Variants in ZMYM4 observed in about 807,000 individuals in gnomAD.
The protein encoded by ZMYM4 is zinc finger MYM-type containing 4, also known as zinc finger MYM-type protein 4.
ZMYM4 carries 31 observed loss-of-function variants against 183.2 expected under a neutral mutation model. That is an observed-to-expected ratio of 0.17 (90% confidence interval 0.13 to 0.23). The LOEUF (loss-of-function observed/expected upper bound fraction) is 0.23. Ranked by LOEUF, ZMYM4 falls within the 10% of genes least tolerant of loss-of-function variation. The pLI, the probability that ZMYM4 is intolerant of heterozygous loss-of-function variation, is 1.00. For synonymous variants in ZMYM4, 592 were observed against 631.2 expected, an observed-to-expected ratio of 0.94 and a Z score of 0.93; for missense variants, 1,273 against 1,840.3, an observed-to-expected ratio of 0.69 and a Z score of 5.64.
intron 1 of ZMYM4, among the ~76,000 whole-genome samples, chr1:35,307,802 G>A (rs1485599511): frequency 4.0e-5 from 6 of 151,256 alleles, no homozygotes; most frequent in Non-Finnish European, 5.9e-5. Flanking sequence ...CCAAAGTGCT[G>A]GGATTACAGG....
At chr1:35,325,997 G>A (rs1039661687) in intron 2 of ZMYM4, among the ~76,000 whole-genome samples, 4 of 151,958 alleles carry the variant, frequency 2.6e-5, no homozygotes, top group African/African-American at 7.3e-5. Flanking sequence ...ATTCAACTGC[G>A]TAGACATCTT....
At chr1:35,408,423 T>C (rs1639721120) in intron 26 of ZMYM4, among the ~76,000 whole-genome samples, 2 of 152,224 alleles carry the variant, frequency 1.3e-5, no homozygotes, top group South Asian at 4.1e-4. Flanking sequence ...TAGGAAATTC[T>C]TAGAGGCATA....
chr1:35,367,063 A>G (rs1644100504), intron 5 of ZMYM4, among the ~76,000 whole-genome samples: 1 of 152,086 alleles, frequency 6.6e-6, no homozygotes, highest in South Asian at 2.1e-4. Flanking sequence ...ATTTGATGCA[A>G]TTCTGATGAA....
At chr1:35,333,485 G>A (rs965078825) in intron 2 of ZMYM4, among the ~76,000 whole-genome samples, 2 of 152,034 alleles carry the variant, frequency 1.3e-5, no homozygotes, top group Non-Finnish European at 2.9e-5. Context: ...TCAAGCTCCC[G>A]GTCTCAAGTT....
Position 35,398,848 on chromosome 1 carries a change from T to TA in ZMYM4, c.3254-15dup, listed in dbSNP as rs774709761. 1.9e-6 allele frequency: 3 copies of TA among 1,610,458 alleles called. No homozygotes were observed. Among genetic ancestry groups the TA allele is most frequent in the East Asian group, 4.5e-5 (2 of 44,796 alleles). On this transcript the variant is annotated splice_polypyrimidine_tract_variant and intron_variant, in intron 21 of 29. Coordinates refer to ENST00000314607, the MANE Select transcript of ZMYM4 (RefSeq NM_005095.3). ...TATTTTATTTTGAGGGCTTAATTGT[T>TA]ATCTATATATTTCAGACCAAGGAAG... is the stretch of plus-strand genomic sequence containing the variant.
rs1219424781 is a variant in ZMYM4 at position 35,268,783 on chromosome 1, C to G, written c.-264C>G. On this transcript the variant is annotated 5_prime_UTR_variant, in exon 1 of 30. Coordinates refer to ENST00000314607, the MANE Select transcript of ZMYM4 (RefSeq NM_005095.3). Reference sequence around the variant, plus strand: ...GAAAATAATCCTACTCACGGGGCCCCTTGGAGGCCATTAACCCCCCGAGTC... The same window carrying G: ...GAAAATAATCCTACTCACGGGGCCCGTTGGAGGCCATTAACCCCCCGAGTC... Among the ~76,000 whole-genome samples the G allele has an allele frequency of 6.6e-6, 1 of 152,232 alleles. No individual in the cohort carries two copies. Among genetic ancestry groups the G allele is most frequent in the Admixed American group, 6.5e-5 (1 of 15,288 alleles).
intron 3 of ZMYM4, 37 bp from the exon 4 acceptor site, chr1:35,361,157 T>C (rs1205715142): frequency 2.6e-6 from 4 of 1,531,592 alleles, no homozygotes; most frequent in Non-Finnish European, 3.5e-6. Context: ...GTTATTCATA[T>C]ACATGTGTTT....
At chr1:35,350,479 G>T (rs892534168) in intron 2 of ZMYM4, among the ~76,000 whole-genome samples, 4 of 152,096 alleles carry the variant, frequency 2.6e-5, no homozygotes, top group Admixed American at 6.6e-5. Context: ...AGTAAGTGGG[G>T]TTTTGCCATG....
intron 2 of ZMYM4, among the ~76,000 whole-genome samples, chr1:35,347,826 A>G (rs562657079): frequency 1.3e-5 from 2 of 152,294 alleles, no homozygotes; most frequent in East Asian, 1.9e-4. Context: ...TGACTTTTGT[A>G]TTTATTATTT....
chr1:35,316,003 C>G (rs897271546), intron 1 of ZMYM4, among the ~76,000 whole-genome samples: 2 of 151,964 alleles, frequency 1.3e-5, no homozygotes, highest in Non-Finnish European at 2.9e-5. Context: ...AGAATTAGAC[C>G]TACTTTTTAT....
At chr1:35,294,881 C>T (rs1350580797) in intron 1 of ZMYM4, among the ~76,000 whole-genome samples, 2 of 152,124 alleles carry the variant, frequency 1.3e-5, no homozygotes, top group African/African-American at 2.4e-5. Flanking sequence ...TATCAGAGAA[C>T]GGACTTTTCA....
chr1:35,352,545 A>G (rs1040474183), intron 2 of ZMYM4, among the ~76,000 whole-genome samples: 3 of 152,106 alleles, frequency 2.0e-5, no homozygotes, highest in African/African-American at 4.8e-5. Context: ...CTCAATCTCT[A>G]TTGGGATCAC....
At chr1:35,356,803 G>T (rs571255347) in intron 2 of ZMYM4, among the ~76,000 whole-genome samples, 53 of 152,166 alleles carry the variant, frequency 3.5e-4, no homozygotes, top group Middle Eastern at 3.4e-3. Flanking sequence ...CTCAAGGGAG[G>T]ATGTAATGTG....
intron 2 of ZMYM4, among the ~76,000 whole-genome samples, chr1:35,347,626 C>T (rs1211880171): frequency 6.6e-6 from 1 of 151,610 alleles, no homozygotes; most frequent in African/African-American, 2.4e-5. Context: ...TCTGCTGTGA[C>T]AAGTGAAGAG....
chr1:35,309,125 A>T, intron 1 of ZMYM4: 1 of 780,282 alleles, frequency 1.3e-6, no homozygotes, highest in Non-Finnish European at 1.6e-6. Flanking sequence ...AACCTCATTG[A>T]ATCTGAGAAA....
chr1:35,328,252 T>G (rs1337736155), intron 2 of ZMYM4, among the ~76,000 whole-genome samples: 2 of 151,998 alleles, frequency 1.3e-5, no homozygotes, highest in African/African-American at 4.8e-5. Flanking sequence ...ATTATTAGGC[T>G]CTCGATTTAC....
At chr1:35,282,695 G>A (rs1192277351) in intron 1 of ZMYM4, among the ~76,000 whole-genome samples, 1 of 151,984 alleles carries the variant, frequency 6.6e-6, no homozygotes, top group African/African-American at 2.4e-5. Flanking sequence ...AGCTGGGACT[G>A]CAGATGTGCA....
At chr1:35,329,076 T>C (rs1642625916) in intron 2 of ZMYM4, among the ~76,000 whole-genome samples, 1 of 152,216 alleles carries the variant, frequency 6.6e-6, no homozygotes, top group Non-Finnish European at 1.5e-5. Flanking sequence ...CAGCAAAATA[T>C]AGTATTTACT....
chr1:35,386,690 T>C (rs1382767862), intron 11 of ZMYM4, among the ~76,000 whole-genome samples: 1 of 152,206 alleles, frequency 6.6e-6, no homozygotes, highest in African/African-American at 2.4e-5. Flanking sequence ...CCTATTAAAC[T>C]TGGATTTGTA....
Sources: gnomAD v4.1 joint callset for allele counts (sites outside exome capture counted in the v4.1 genomes callset) on GRCh38, gnomAD v4.1.1 for gene constraint, MANE v1.5 for transcripts, NCBI Gene and HGNC (gene_info 2026-07-23, HGNC 2026-07-21) for gene names.